MXI1: variants seen among roughly 807,000 people sequenced by gnomAD.
MXI1 encodes the protein MAX interactor 1, dimerization protein, also known as max-interacting protein 1.
MXI1 carries 18 observed loss-of-function variants against 36.9 expected under a neutral mutation model. That is an observed-to-expected ratio of 0.49 (90% CI 0.34 to 0.72). The LOEUF is 0.72. Ranked by LOEUF, MXI1 falls within the 30% of genes least tolerant of loss-of-function variation. MXI1 has a pLI of 0.01. For missense variants in MXI1, 304 were observed against 379.1 expected (o/e 0.80, Z 1.64); for synonymous variants, 160 against 146.7 (o/e 1.09, Z -0.65).
chr10:110,208,045 C>T lies in MXI1; in HGVS notation c.237C>T (p.Ala79=), dbSNP rs1470651533. Reference sequence around the variant, plus strand: ...AGAACGTGCAGATTCTGCTCGAGGCCGCCAGCTACCTGGAGCAGATCGAGA... The same window carrying T: ...AGAACGTGCAGATTCTGCTCGAGGCTGCCAGCTACCTGGAGCAGATCGAGA... The part of the protein sequence containing the change: ...FLQNVQILLE[A]ASYLEQIEKE... Residue 79 remains alanine, a synonymous_variant, in exon 1 of 6, where the codon GCC becomes GCT. Coordinates refer to ENST00000332674, the MANE Select transcript of MXI1 (RefSeq NM_130439.3). 1 of 1,601,854 alleles carries T rather than the reference C, an allele frequency of 6.2e-7. No homozygotes were observed. Among genetic ancestry groups the T allele is most frequent in the Admixed American group, 1.7e-5 (1 of 58,466 alleles).
intron 3 of MXI1, among the ~76,000 whole-genome samples, chr10:110,263,961 T>C (rs1431174582): frequency 6.6e-6 from 1 of 152,220 alleles, no homozygotes; most frequent in African/African-American, 2.4e-5. Context: ...TTAATAGCTT[T>C]AGGAAAATAT....
intron 2 of MXI1, among the ~76,000 whole-genome samples, chr10:110,238,592 T>C (rs111843932): frequency 6.6e-5 from 10 of 152,312 alleles, no homozygotes; most frequent in African/African-American, 2.2e-4. Flanking sequence ...AAATGTTCCC[T>C]CTCTCTTTAT....
chr10:110,227,953 AAG>A (rs2134354929), intron 1 of MXI1: 1 of 494,760 alleles, frequency 2.0e-6, no homozygotes, highest in East Asian at 3.2e-5. Flanking sequence ...GGATTTTGGA[AAG>A]GGGGGATAAA....
chr10:110,218,367 G>A lies in MXI1; in HGVS notation c.275-9822G>A, dbSNP rs529916602. The stretch of plus-strand genomic sequence containing the variant: ...CGGGAGGCTGAAGCAGGAGAATGGC[G>A]TGAACCCGGGAGGCGGTGCTTGCAG... On this transcript the variant is annotated intron_variant, in intron 1 of 5. Transcript: ENST00000332674. Among the ~76,000 whole-genome samples the A allele has an allele frequency of 3.8e-3, 580 of 151,882 alleles. 2 individuals are homozygous for A. The highest frequency in any genetic ancestry group is 0.013 in the African/African-American group (548 of 41,416).
At chr10:110,278,730 CCACA>C (rs1857130906) in intron 3 of MXI1, among the ~76,000 whole-genome samples, 1 of 143,830 alleles carries the variant, frequency 7.0e-6, no homozygotes, top group South Asian at 2.2e-4. Context: ...GTGTGTGTGC[CCACA>C]CACGTGCAAG....
chr10:110,226,849 G>C, intron 1 of MXI1, among the ~76,000 whole-genome samples: 1 of 13,302 alleles, frequency 7.5e-5, no homozygotes, highest in Non-Finnish European at 1.6e-4. Context: ...GGGGAGGGGA[G>C]CATGTGAGGG....
chr10:110,279,370 T>C, intron 4 of MXI1, 76 bp downstream of exon 4: 2 of 1,230,114 alleles, frequency 1.6e-6, no homozygotes, highest in South Asian at 1.2e-5. Flanking sequence ...CCTATTCATA[T>C]ACATCAGCTA....
rs1345442232 is a variant in MXI1, at chr10:110,252,464, G to T, written c.437+7607G>T. Reference sequence around the variant, plus strand: ...CCATCTTAGGGCTTTTGCACTTGCTGTTCCTTCTGCTTGGAAAGCCCTGCT... The same window carrying T: ...CCATCTTAGGGCTTTTGCACTTGCTTTTCCTTCTGCTTGGAAAGCCCTGCT... On this transcript the variant is annotated intron_variant, in intron 3 of 5. Coordinates refer to ENST00000332674, the MANE Select transcript of MXI1 (RefSeq NM_130439.3). 3.3e-5 allele frequency among the ~76,000 whole-genome samples: 5 copies of T among 152,002 alleles called. No individual in the cohort carries two copies. In the East Asian group the frequency reaches 9.6e-4, roughly 29 times the overall value.
At chr10:110,228,697 G>T (rs548113502) in intron 2 of MXI1, among the ~76,000 whole-genome samples, 77 of 152,198 alleles carry the variant, frequency 5.1e-4, no homozygotes, top group South Asian at 2.5e-3. Flanking sequence ...GTCTGGCAGG[G>T]TATAAAGCAG....
Position 110,285,367 on chromosome 10 carries a change from A to G in MXI1, c.*380A>G. 6.2e-6 allele frequency: 1 copy of G among 161,900 alleles called. No homozygotes were observed. 10.0% of individuals were successfully genotyped at this position (161,900 alleles called of 1,614,324 possible). ...AGACACATTTAAGGATGGGGTTATG[A>G]ACCCTTCCTGAGCTTTATGGTCCTA... On this transcript the variant is annotated 3_prime_UTR_variant, in exon 6 of 6. Transcript: ENST00000332674.
intron 5 of MXI1, 113 bp from the exon 6 acceptor site, chr10:110,284,711 T>TA: frequency 9.8e-7 from 1 of 1,018,788 alleles, no homozygotes. Context: ...ACATCACTGA[T>TA]AATAAGCTTG....
intron 3 of MXI1, among the ~76,000 whole-genome samples, chr10:110,259,103 G>C (rs975364881): frequency 4.6e-5 from 7 of 152,080 alleles, no homozygotes; most frequent in African/African-American, 1.4e-4. Context: ...AAACAAATAA[G>C]TCAGACATTG....
rs1341805738 is a variant in MXI1 at position 110,227,260 on chromosome 10, G to A, written c.275-929G>A. The A allele has an allele frequency of 1.6e-5, 14 of 857,900 alleles. No individual in the cohort carries two copies. In the East Asian group the frequency reaches 1.6e-3, roughly 98 times the overall value. 53.1% of individuals were successfully genotyped at this position (857,900 alleles called of 1,614,324 possible). On this transcript the variant is annotated intron_variant, in intron 1 of 5. Coordinates refer to ENST00000332674, the MANE Select transcript of MXI1 (RefSeq NM_130439.3). ...TGCGCGGGGGGGAGGGGCGTGTGCG[G>A]GAAGGGCGTGCGCGTGTGGGAGGGG...
At chr10:110,249,688 A>C (rs1856002809) in intron 3 of MXI1, among the ~76,000 whole-genome samples, 1 of 152,174 alleles carries the variant, frequency 6.6e-6, no homozygotes, top group South Asian at 2.1e-4. Context: ...AAATGGAAGA[A>C]AATACCAAAG....
chr10:110,228,150 T>C, intron 1 of MXI1, 39 bp from the exon 2 acceptor site: 2 of 1,610,648 alleles, frequency 1.2e-6, no homozygotes, highest in Admixed American at 1.7e-5. Flanking sequence ...TTGGGTACTA[T>C]ATTCTTCTTA....
At position 110,228,270 on chromosome 10, in the gene MXI1, G is replaced by A; in HGVS notation, c.356G>A (p.Ser119Asn). 1.2e-6 allele frequency: 2 copies of A among 1,614,180 alleles called. No homozygotes were observed. The highest frequency in any genetic ancestry group is 1.7e-6 in the Non-Finnish European group (2 of 1,180,038). ...CATTCAAAGCCCCCACGGAGGTTGA[G>A]CCGGGCACAGAAACACAGCAGCGGG... ...LQHSKPPRRL[S>N]RAQKHSSGSS... is the part of the protein sequence containing the mutation. Residue 119 changes from serine (S) to asparagine (N), a missense_variant, in exon 2 of 6, where the codon AGC (serine) becomes AAC (asparagine). By Grantham distance (46) the Ser-to-Asn change is conservative. Transcript: ENST00000332674.
chr10:110,277,191 A>G (rs1235048320), intron 3 of MXI1, among the ~76,000 whole-genome samples: 1 of 152,110 alleles, frequency 6.6e-6, no homozygotes, highest in African/African-American at 2.4e-5. Flanking sequence ...TCTTACATAT[A>G]CTGAAGTTTT....
At chr10:110,224,356 G>T (rs1854900506) in intron 1 of MXI1, among the ~76,000 whole-genome samples, 1 of 152,224 alleles carries the variant, frequency 6.6e-6, no homozygotes, top group Non-Finnish European at 1.5e-5. Context: ...TGGGGGACAG[G>T]GGAGGGATTT....
Position 110,207,726 on chromosome 10 carries a change from G to A in MXI1, c.-83G>A. On this transcript the variant is annotated 5_prime_UTR_variant, in exon 1 of 6. Transcript: ENST00000332674. ...CCCCGGCGCCTTCTCTGCTCCAGCC[G>A]GCCGGGTCTCCCTGGGGGCCCGGAG... 2.1e-6 allele frequency: 2 copies of A among 968,758 alleles called. No homozygotes were observed. The highest frequency in any genetic ancestry group is 1.3e-6 in the Non-Finnish European group (1 of 793,266). The allele number at this position is 968,758 out of a possible 1,614,324, so 60.0% of individuals were successfully genotyped here. A position where few individuals can be genotyped will look rare whatever the true frequency, so the allele number is the denominator to read the frequency against.
Sources: allele counts gnomAD v4.1 joint callset (sites outside exome capture counted in the v4.1 genomes callset), GRCh38; gene constraint gnomAD v4.1.1; transcripts MANE v1.5; gene names NCBI Gene and HGNC (gene_info 2026-07-23, HGNC 2026-07-21).